ADGRL2: variants seen among roughly 807,000 people sequenced by gnomAD.
ADGRL2 encodes calcium-independent alpha-latrotoxin receptor 2.
A neutral mutation model predicts 157.4 loss-of-function variants in ADGRL2; 44 were observed. The ratio of observed to expected loss-of-function variants is 0.28; its 90% CI spans 0.22 to 0.36. The LOEUF is 0.36. Among genes scored for constraint, ADGRL2 ranks in the 10% least tolerant of loss-of-function variants. ADGRL2 has a pLI of 1.00. For missense variants in ADGRL2, 1,510 were observed against 1,768.9 expected (o/e 0.85, Z 2.63); for synonymous variants, 585 against 624.7 (o/e 0.94, Z 0.95).
intron 1 of ADGRL2, among the ~76,000 whole-genome samples, chr1:81,758,998 A>C (rs2085782675): frequency 6.6e-6 from 1 of 152,112 alleles, no homozygotes; most frequent in Admixed American, 6.6e-5. Flanking sequence ...AAACTGTATC[A>C]TTAATGAGAA....
At chr1:81,725,540 A>C (rs149535030) in intron 1 of ADGRL2, among the ~76,000 whole-genome samples, 18 of 139,848 alleles carry the variant, frequency 1.3e-4, no homozygotes, top group African/African-American at 5.0e-4. Flanking sequence ...CTCTGTCTCA[A>C]AATAAATAAA....
At chr1:81,390,291 T>A (rs1206653278) in intron 1 of ADGRL2, among the ~76,000 whole-genome samples, 1 of 152,294 alleles carries the variant, frequency 6.6e-6, no homozygotes, top group East Asian at 1.9e-4. Context: ...TTGAAAAACG[T>A]AAAAGAGTTA....
In ADGRL2 at chr1:81,918,029, C is replaced by T. The variant is rs558134412; in HGVS notation, c.287+10799C>T. ...TTCATTCTCTGACTTTTCTGATATA[C>T]TTCCCCTCATTTATGGTGGCTTAGG... On this transcript the variant is annotated intron_variant, in intron 3 of 23. Coordinates refer to ENST00000686636, the MANE Select transcript of ADGRL2 (RefSeq NM_001366006.2). Among the ~76,000 whole-genome samples the T allele has an allele frequency of 1.8e-4, 27 of 152,296 alleles. No individual in the cohort carries two copies. In the South Asian group the frequency reaches 4.4e-3, roughly 25 times the overall value.
At chr1:81,340,919 T>G (rs2100761499) in intron 1 of ADGRL2, among the ~76,000 whole-genome samples, 1 of 152,098 alleles carries the variant, frequency 6.6e-6, no homozygotes, top group South Asian at 2.1e-4. Flanking sequence ...AATGGAACCT[T>G]AAAGATCTTA....
intron 2 of ADGRL2, chr1:81,557,745 T>G (rs12091534): frequency 0.065 from 9,847 of 152,198 alleles, 1,022 homozygotes; most frequent in African/African-American, 0.22. Context: ...CACGTGGAGC[T>G]GTCTGAAGAA....
intron 1 of ADGRL2, among the ~76,000 whole-genome samples, chr1:81,346,693 T>A (rs1483927774): frequency 6.6e-6 from 1 of 152,164 alleles, no homozygotes; most frequent in African/African-American, 2.4e-5. Flanking sequence ...AGATGAGAGC[T>A]TATACTCAGA....
At chr1:81,499,508 G>A (rs1475606750) in intron 2 of ADGRL2, among the ~76,000 whole-genome samples, 1 of 152,190 alleles carries the variant, frequency 6.6e-6, no homozygotes, top group Admixed American at 6.5e-5. Flanking sequence ...CCACCTGTTT[G>A]TCTTATTTAA....
chr1:81,728,442 C>A (rs538972686), intron 1 of ADGRL2, among the ~76,000 whole-genome samples: 1 of 152,286 alleles, frequency 6.6e-6, no homozygotes, highest in East Asian at 1.9e-4. Flanking sequence ...TTTACTAAAT[C>A]ACCAAATAGA....
intron 2 of ADGRL2, chr1:81,557,644 T>A (rs934945640): frequency 2.8e-4 from 43 of 152,344 alleles, no homozygotes; most frequent in African/African-American, 9.9e-4. Flanking sequence ...ATCAGTGCAG[T>A]TGACATAGTC....
intron 3 of ADGRL2, among the ~76,000 whole-genome samples, chr1:81,655,910 C>G (rs1236921044): frequency 6.6e-6 from 1 of 152,154 alleles, no homozygotes; most frequent in African/African-American, 2.4e-5. Context: ...GATCATCTTG[C>G]CTAATGACTG....
At chr1:81,800,456 A>G (rs1036304419), upstream of ADGRL2, 6 of 151,916 alleles carry the variant, frequency 3.9e-5, no homozygotes, top group Non-Finnish European at 5.9e-5. Flanking sequence ...TACGGAAACT[A>G]AAAGTTTCGG....
At chr1:81,470,469 A>G (rs1356174050) in intron 2 of ADGRL2, among the ~76,000 whole-genome samples, 2 of 152,048 alleles carry the variant, frequency 1.3e-5, no homozygotes, top group Non-Finnish European at 2.9e-5. Flanking sequence ...CCCTTTTTCA[A>G]GTTCCACATT....
chr1:81,432,899 CAG>C (rs759968053), intron 1 of ADGRL2, among the ~76,000 whole-genome samples: 1 of 152,080 alleles, frequency 6.6e-6, no homozygotes, highest in Non-Finnish European at 1.5e-5. Context: ...GTTGTGTATA[CAG>C]AGTTTCAATG....
chr1:81,977,297 G>A (rs1248131196), intron 17 of ADGRL2, among the ~76,000 whole-genome samples: 2 of 151,784 alleles, frequency 1.3e-5, no homozygotes, highest in South Asian at 2.1e-4. Context: ...TTAAACACAT[G>A]TAATGTCAAA....
At chr1:81,810,639 T>G (rs2149653019) in intron 1 of ADGRL2, among the ~76,000 whole-genome samples, 1 of 152,022 alleles carries the variant, frequency 6.6e-6, no homozygotes, top group African/African-American at 2.4e-5. Context: ...AAACATTAAT[T>G]TTGATAATAT....
At chr1:81,382,695 A>T (rs1321350222) in intron 1 of ADGRL2, among the ~76,000 whole-genome samples, 1 of 152,234 alleles carries the variant, frequency 6.6e-6, no homozygotes, top group Admixed American at 6.5e-5. Flanking sequence ...GCTGAAAGTC[A>T]GCCAAAAATA....
chr1:81,896,308 A>C (rs75450579), intron 2 of ADGRL2, among the ~76,000 whole-genome samples: 29 of 98,170 alleles, frequency 3.0e-4, no homozygotes, highest in Non-Finnish European at 5.6e-5. Context: ...AACTAGTTAT[A>C]AAAAAAAATA....
chr1:81,680,532 A>T (rs2083089532), intron 3 of ADGRL2, among the ~76,000 whole-genome samples: 1 of 152,036 alleles, frequency 6.6e-6, no homozygotes, highest in African/African-American at 2.4e-5. Context: ...GCTTACACTG[A>T]TGATCTCATC....
At chr1:81,673,504 C>T (rs899323040) in intron 3 of ADGRL2, among the ~76,000 whole-genome samples, 28 of 144,010 alleles carry the variant, frequency 1.9e-4, no homozygotes, top group Non-Finnish European at 3.7e-4. Context: ...AGAAACTGTG[C>T]CTTCTATTTT....
Sources: gnomAD v4.1 joint callset for allele counts (sites outside exome capture counted in the v4.1 genomes callset) on GRCh38, gnomAD v4.1.1 for gene constraint, MANE v1.5 for transcripts, NCBI Gene and HGNC (gene_info 2026-07-23, HGNC 2026-07-21) for gene names.